FOXP2: variants seen among roughly 807,000 people sequenced by gnomAD.
The protein encoded by FOXP2 is forkhead box P2.
Under a neutral mutation model 115.8 loss-of-function variants are expected in FOXP2, and 12 were observed. The observed-to-expected ratio is 0.10, with a 90% confidence interval of 0.07 to 0.17. FOXP2 has a LOEUF of 0.17. FOXP2 is among the 10% of genes least tolerant of loss of function. The pLI is 1.00. For synonymous variants in FOXP2, 328 were observed against 297.7 expected, an observed-to-expected ratio of 1.10 and a Z score of -1.05; for missense variants, 629 against 843.5, an observed-to-expected ratio of 0.75 and a Z score of 3.15.
chr7:114,325,830 G>A (rs1023154294), intron 2 of FOXP2, among the ~76,000 whole-genome samples: 1 of 152,044 alleles, frequency 6.6e-6, no homozygotes, highest in East Asian at 1.9e-4. Context: ...GTTATCTTAT[G>A]AATGCTATGT....
chr7:114,169,784 C>G (rs991805468), intron 1 of FOXP2, among the ~76,000 whole-genome samples: 1 of 152,060 alleles, frequency 6.6e-6, no homozygotes, highest in African/African-American at 2.4e-5. Flanking sequence ...GTGGGAGGGA[C>G]CCGGTGGGAG....
chr7:114,657,205 A>G (rs1055603202), intron 10 of FOXP2, among the ~76,000 whole-genome samples: 8 of 152,164 alleles, frequency 5.3e-5, no homozygotes, highest in African/African-American at 1.9e-4. Context: ...GTTTTTTGAT[A>G]ATGAAGAACA....
At chr7:114,639,631 C>A (rs1175883932) in intron 6 of FOXP2, among the ~76,000 whole-genome samples, 1 of 151,904 alleles carries the variant, frequency 6.6e-6, no homozygotes, top group Non-Finnish European at 1.5e-5. Flanking sequence ...GAACTTTGAA[C>A]CATCTAAGTA....
At chr7:114,626,628 C>G (rs930887338) in intron 3 of FOXP2, among the ~76,000 whole-genome samples, 1 of 151,494 alleles carries the variant, frequency 6.6e-6, no homozygotes, top group African/African-American at 2.4e-5. Context: ...GATTGACAGC[C>G]TTTTTAGTTT....
In FOXP2 at chr7:114,230,975, T is replaced by TAC. The variant is rs3086371; in HGVS notation, c.-101-57014_-101-57013dup. On this transcript the variant is annotated intron_variant, in intron 1 of 17. Transcript: ENST00000634411. ...CTCATATATAGAAAACCCTAAAGAT[T>TAC]ACACACACACACACACACACACACA... is the stretch of plus-strand genomic sequence containing the variant. 4.2e-3 allele frequency among the ~76,000 whole-genome samples: 616 copies of TAC among 147,132 alleles called. 1 individual carries two copies. Among genetic ancestry groups the TAC allele is most frequent in the African/African-American group, 0.011 (436 of 40,278 alleles).
chr7:114,550,585 A>G lies in FOXP2; in HGVS notation c.258+15879A>G, dbSNP rs1201669898. On this transcript the variant is annotated intron_variant, in intron 3 of 16. Transcript: ENST00000350908. ...TGCAACCCCTTTGTTAAATGCTAGA[A>G]CATTGAAGTTATTCAATGAAGTACA... 3.9e-5 allele frequency among the ~76,000 whole-genome samples: 6 copies of G among 152,290 alleles called. No individual in the cohort carries two copies. In the East Asian group the frequency reaches 1.2e-3, roughly 29 times the overall value.
At chr7:114,133,537 G>C (rs1395845741) in intron 1 of FOXP2, among the ~76,000 whole-genome samples, 1 of 152,216 alleles carries the variant, frequency 6.6e-6, no homozygotes, top group African/African-American at 2.4e-5. Context: ...TTGATATTTT[G>C]AGTAAATAAG....
At chr7:114,179,939 A>T (rs771301164) in intron 1 of FOXP2, among the ~76,000 whole-genome samples, 28 of 151,882 alleles carry the variant, frequency 1.8e-4, no homozygotes, top group South Asian at 2.1e-4. Context: ...TCTTCTGTAC[A>T]TTCTTGACTC....
chr7:114,147,644 G>T (rs1380556910), intron 1 of FOXP2, among the ~76,000 whole-genome samples: 1 of 152,028 alleles, frequency 6.6e-6, no homozygotes, highest in Non-Finnish European at 1.5e-5. Flanking sequence ...CCAATGAAAT[G>T]ATCATTTGAT....
chr7:114,663,334 T>C (rs1806980568), intron 14 of FOXP2, 116 bp from the exon 15 acceptor site: 1 of 728,814 alleles, frequency 1.4e-6, no homozygotes, highest in Non-Finnish European at 2.4e-6. Context: ...CTTATATACA[T>C]CCAGTATGGA....
chr7:114,538,315 T>C, intron 3 of FOXP2: 1 of 1,302,102 alleles, frequency 7.7e-7, no homozygotes, highest in South Asian at 1.2e-5. Context: ...TTGTTCTTGT[T>C]ACATTTACAG....
intron 2 of FOXP2, among the ~76,000 whole-genome samples, chr7:114,369,334 C>A (rs1327098026): frequency 6.6e-6 from 1 of 152,178 alleles, no homozygotes; most frequent in Non-Finnish European, 1.5e-5. Flanking sequence ...TTGTAGGTAT[C>A]TTTACAACAG....
At chr7:114,190,483 G>A (rs1193471691) in intron 1 of FOXP2, among the ~76,000 whole-genome samples, 6 of 152,260 alleles carry the variant, frequency 3.9e-5, no homozygotes, top group South Asian at 2.1e-4. Context: ...GGGGCTCCCC[G>A]TCTTAGGCCT....
chr7:114,646,678 A>G (rs1006546285), intron 8 of FOXP2, among the ~76,000 whole-genome samples: 14 of 151,992 alleles, frequency 9.2e-5, no homozygotes, highest in African/African-American at 3.4e-4. Context: ...TCTGTGATAA[A>G]TTCTGTTAAC....
At chr7:114,160,874 C>T (rs1388766753), upstream of FOXP2, among the ~76,000 whole-genome samples, 1 of 151,798 alleles carries the variant, frequency 6.6e-6, no homozygotes, top group Non-Finnish European at 1.5e-5. Flanking sequence ...TTTAGCCACA[C>T]TAAAGCTATA....
intron 1 of FOXP2, among the ~76,000 whole-genome samples, chr7:114,280,632 C>T (rs1584604177): frequency 6.6e-6 from 1 of 151,992 alleles, no homozygotes. Context: ...GTTTAAATGT[C>T]GTCAAAATTA....
At chr7:114,408,465 A>G (rs1471778124) in intron 2 of FOXP2, among the ~76,000 whole-genome samples, 1 of 152,144 alleles carries the variant, frequency 6.6e-6, no homozygotes, top group Non-Finnish European at 1.5e-5. Context: ...AGTGGCTCAC[A>G]CCTGTAATTC....
intron 1 of FOXP2, among the ~76,000 whole-genome samples, chr7:114,248,929 A>G (rs1472589884): frequency 6.6e-6 from 1 of 152,216 alleles, no homozygotes; most frequent in African/African-American, 2.4e-5. Context: ...CTGGTACATG[A>G]TGGAACTTGG....
chr7:114,118,304 A>G (rs1791464620), intron 1 of FOXP2, among the ~76,000 whole-genome samples: 1 of 152,118 alleles, frequency 6.6e-6, no homozygotes, highest in South Asian at 2.1e-4. Context: ...TCTGTGTGAA[A>G]TTTGTCTTCA....
Sources: allele counts gnomAD v4.1 joint callset (sites outside exome capture counted in the v4.1 genomes callset), GRCh38; gene constraint gnomAD v4.1.1; transcripts MANE v1.5; gene names NCBI Gene and HGNC (gene_info 2026-07-23, HGNC 2026-07-21).